The following ZNF292 variants were observed in gnomAD, a reference collection of about 807,000 sequenced individuals.
The protein encoded by ZNF292 is 16 zinc-finger domain protein.
A neutral mutation model predicts 217.9 loss-of-function variants in ZNF292; 26 were observed. That is an observed-to-expected ratio of 0.12 (90% CI 0.09 to 0.17). ZNF292 has a LOEUF of 0.17. ZNF292 is among the 10% of genes least tolerant of loss of function. The pLI is 1.00. For missense variants in ZNF292, 2,904 were observed against 3,175.2 expected (o/e 0.91, Z 2.05); for synonymous variants, 1,257 against 1,124.1 (o/e 1.12, Z -2.37).
chr6:87,196,001 C>T (rs965738762), intron 1 of ZNF292, among the ~76,000 whole-genome samples: 17 of 147,918 alleles, frequency 1.1e-4, no homozygotes, highest in African/African-American at 4.0e-4. Flanking sequence ...GCACTCCAGC[C>T]TGGGCAGCAG....
intron 1 of ZNF292, among the ~76,000 whole-genome samples, chr6:87,195,575 AT>A (rs1222217066): frequency 6.6e-6 from 1 of 152,200 alleles, no homozygotes; most frequent in East Asian, 1.9e-4. Context: ...TCTGTTGGAA[AT>A]CTTATAGTTT....
rs1374163349 is a variant in ZNF292 at position 87,257,088 on chromosome 6, T to A, written c.3459T>A (p.Phe1153Leu). Reference sequence around the variant, plus strand: ...TAAATACACCAAATAATGGAAAGTTTGTTTATTTTTTGCCATCACCGGTGA... The same window carrying A: ...TAAATACACCAAATAATGGAAAGTTAGTTTATTTTTTGCCATCACCGGTGA... The part of the protein sequence containing the change: ...NNLNTPNNGK[F>L]VYFLPSPVNS... The change falls in exon 8 of 8, where the codon TTT becomes TTA. Residue 1153 changes from phenylalanine (F) to leucine (L), a missense_variant. Physicochemically the swap from Phe to Leu is conservative, Grantham distance 22 (BLOSUM62 0). Transcript: ENST00000369577. 6.2e-7 allele frequency: 1 copy of A among 1,613,882 alleles called. No homozygotes were observed. The highest frequency in any genetic ancestry group is 1.7e-5 in the Admixed American group (1 of 59,970).
chr6:87,217,435 A>G (rs1019066893), intron 3 of ZNF292, among the ~76,000 whole-genome samples: 3 of 152,052 alleles, frequency 2.0e-5, no homozygotes, highest in Non-Finnish European at 2.9e-5. Flanking sequence ...TTGATCATGC[A>G]TATTCTACTT....
intron 4 of ZNF292, among the ~76,000 whole-genome samples, 167 bp from the exon 5 acceptor site, chr6:87,233,158 C>T (rs1044524598): frequency 3.3e-5 from 5 of 152,042 alleles, no homozygotes; most frequent in Non-Finnish European, 7.4e-5. Flanking sequence ...AATATAATCT[C>T]TTCTTGCTTA....
At chr6:87,156,474 CT>C (rs1370155779) in intron 1 of ZNF292, among the ~76,000 whole-genome samples, 2 of 152,244 alleles carry the variant, frequency 1.3e-5, no homozygotes, top group African/African-American at 2.4e-5. Flanking sequence ...GCCTGTACAT[CT>C]GTCTCAGGTT....
In ZNF292 at chr6:87,246,876, C is replaced by T. The variant is rs115974642; in HGVS notation, c.1020+1232C>T. Among the ~76,000 whole-genome samples, 1,195 of 151,978 alleles carry T rather than the reference C, an allele frequency of 7.9e-3. 11 individuals carry two copies. The highest frequency in any genetic ancestry group is 0.027 in the African/African-American group (1,123 of 41,448). ...TCTCAAAAACAAAAAGCAGGCCGGA[C>T]GGACATGGTGGCTCACGCCTGTAAT... is the stretch of plus-strand genomic sequence containing the variant. On this transcript the variant is annotated intron_variant, in intron 7 of 7. Coordinates refer to ENST00000369577, the MANE Select transcript of ZNF292 (RefSeq NM_015021.3).
Position 87,258,186 on chromosome 6 carries a change from T to A in ZNF292, c.4557T>A (p.Asp1519Glu), listed in dbSNP as rs1775343161. The A allele has an allele frequency of 1.2e-6, 2 of 1,611,802 alleles. No individual in the cohort carries two copies. Among genetic ancestry groups the A allele is most frequent in the African/African-American group, 2.7e-5 (2 of 75,014 alleles). Reference sequence around the variant, plus strand: ...ATGTTTCAACAGGTTGTGTCTCTGATGCATCACAAGTAAATGCAACGGTGA... The same window carrying A: ...ATGTTTCAACAGGTTGTGTCTCTGAAGCATCACAAGTAAATGCAACGGTGA... ...LSHVSTGCVS[D>E]ASQVNATVMP... Residue 1519 changes from aspartate to glutamate, a missense_variant, in exon 8 of 8, where the codon GAT becomes GAA. Around this residue, in one of 15 missense-constraint regions of ZNF292, gnomAD observed 622 missense variants for 573.1 expected, o/e 1.09. Transcript: ENST00000369577.
intron 4 of ZNF292, among the ~76,000 whole-genome samples, chr6:87,224,969 T>C (rs2127813266): frequency 6.6e-6 from 1 of 152,336 alleles, no homozygotes; most frequent in Admixed American, 6.5e-5. Context: ...TGTACCATTT[T>C]GTATTCTCAT....
rs1240348159 is a variant in ZNF292 at position 87,216,140 on chromosome 6, CACACACACACACACACAA to C, written c.323+84_323+101del. On this transcript the variant is annotated intron_variant, in intron 2 of 7. Coordinates refer to ENST00000369577, the MANE Select transcript of ZNF292 (RefSeq NM_015021.3). The stretch of plus-strand genomic sequence containing the variant: ...ACACACACACACACACACACACACA[CACACACACACACACACAA>C]CATTAAATCTCAAGTCTTATAGTTT... The C allele has an allele frequency of 7.1e-5, 59 of 827,730 alleles. No individual in the cohort carries two copies. In the African/African-American group the frequency reaches 1.1e-3, roughly 15 times the overall value. The allele number at this position is 827,730 out of a possible 1,614,324, so 51.3% of individuals were successfully genotyped here. A position where few individuals can be genotyped will look rare whatever the true frequency, so the allele number is the denominator to read the frequency against.
At chr6:87,243,315 G>A (rs1377682410) in intron 5 of ZNF292, among the ~76,000 whole-genome samples, 160 bp from the exon 6 acceptor site, 1 of 128,552 alleles carries the variant, frequency 7.8e-6, no homozygotes, top group Admixed American at 8.3e-5. Context: ...GCCAGTCTTT[G>A]TCCCAGTAAT....
intron 1 of ZNF292, among the ~76,000 whole-genome samples, chr6:87,191,814 C>T (rs1159941057): frequency 6.6e-6 from 1 of 152,212 alleles, no homozygotes; most frequent in African/African-American, 2.4e-5. Context: ...CAGGAGTGCC[C>T]ACCACACCCA....
At chr6:87,161,622 C>G (rs1396424666) in intron 1 of ZNF292, among the ~76,000 whole-genome samples, 3 of 152,014 alleles carry the variant, frequency 2.0e-5, no homozygotes, top group African/African-American at 7.2e-5. Context: ...CCCTACATTG[C>G]CCAGGTTGGT....
At chr6:87,204,058 A>C (rs918007675) in intron 1 of ZNF292, among the ~76,000 whole-genome samples, 9 of 152,194 alleles carry the variant, frequency 5.9e-5, no homozygotes, top group African/African-American at 2.2e-4. Flanking sequence ...TCTCACTAAA[A>C]ATGCGTAGCC....
chr6:87,204,027 T>C (rs904721333), intron 1 of ZNF292, among the ~76,000 whole-genome samples: 10 of 152,146 alleles, frequency 6.6e-5, no homozygotes, highest in African/African-American at 2.2e-4. Flanking sequence ...TGAGAAGAAA[T>C]GACCATTACT....
At chr6:87,164,266 C>A (rs942122038) in intron 1 of ZNF292, among the ~76,000 whole-genome samples, 1 of 152,146 alleles carries the variant, frequency 6.6e-6, no homozygotes, top group African/African-American at 2.4e-5. Flanking sequence ...CTTGGGCTGG[C>A]TCATTTTTCT....
chr6:87,199,759 C>A (rs1772055172), intron 1 of ZNF292, among the ~76,000 whole-genome samples: 1 of 152,126 alleles, frequency 6.6e-6, no homozygotes, highest in South Asian at 2.1e-4. Flanking sequence ...TTTTTAATTT[C>A]TTTTTCATCA....
At chr6:87,157,504 G>A (rs1770583609) in intron 1 of ZNF292, among the ~76,000 whole-genome samples, 1 of 152,136 alleles carries the variant, frequency 6.6e-6, no homozygotes, top group African/African-American at 2.4e-5. Flanking sequence ...TTTGCTGAAA[G>A]ACATTTTCCC....
rs745720515 is a variant in ZNF292, at chr6:87,254,915, G to A, written c.1286G>A (p.Arg429His). ...EENLPIPNSL[R>H]CELLLVLKTQ... ...AATCTTCCAATACCAAATTCTTTAC[G>A]CTGTGAGCTGTTACTTGTATTGAAA... is the stretch of plus-strand genomic sequence containing the variant. Residue 429 changes from arginine (R) to histidine (H), a missense_variant, in exon 8 of 8, where the codon CGC becomes CAC. Around this residue, in one of 15 missense-constraint regions of ZNF292, gnomAD observed 15 missense variants for 46.8 expected, o/e 0.32. Transcript: ENST00000369577. 7 of 1,613,784 alleles carry A rather than the reference G, an allele frequency of 4.3e-6. No homozygotes were observed. The highest frequency in any genetic ancestry group is 1.1e-5 in the South Asian group (1 of 91,066).
At chr6:87,181,200 A>G (rs1352320964) in intron 1 of ZNF292, among the ~76,000 whole-genome samples, 1 of 152,050 alleles carries the variant, frequency 6.6e-6, no homozygotes, top group Non-Finnish European at 1.5e-5. Context: ...GCTGTTCCCT[A>G]GCGTCCCGGA....
Sources: allele counts gnomAD v4.1 joint callset (sites outside exome capture counted in the v4.1 genomes callset), GRCh38; gene constraint gnomAD v4.1.1; regional missense constraint gnomAD v4.1.1; transcripts MANE v1.5; gene names NCBI Gene and HGNC (gene_info 2026-07-23, HGNC 2026-07-21).